RASGEF1C: variants seen among roughly 807,000 people sequenced by gnomAD.
RASGEF1C encodes ras-GEF domain-containing family member 1C.
In RASGEF1C, 27 loss-of-function variants were observed where a neutral mutation model predicts 58.1. That is an observed-to-expected ratio of 0.46 (90% CI 0.34 to 0.64). The LOEUF (loss-of-function observed/expected upper bound fraction) is 0.64, where lower values mean the gene tolerates loss of function less well. Ranked by LOEUF, RASGEF1C falls within the 30% of genes least tolerant of loss-of-function variation. RASGEF1C has a pLI of 0.01. For missense variants in RASGEF1C, 502 were observed against 605.1 expected, an observed-to-expected ratio of 0.83 and a Z score of 1.79; for synonymous variants, 243 against 246.3, an observed-to-expected ratio of 0.99 and a Z score of 0.13.
intron 1 of RASGEF1C, among the ~76,000 whole-genome samples, chr5:180,154,795 A>G (rs988955444): frequency 3.3e-5 from 5 of 151,764 alleles, no homozygotes; most frequent in Non-Finnish European, 7.4e-5. Flanking sequence ...GTTAGCCAGG[A>G]TGGTCTCGAT....
chr5:180,152,124 C>G (rs1054595007), intron 1 of RASGEF1C, among the ~76,000 whole-genome samples: 7 of 151,808 alleles, frequency 4.6e-5, no homozygotes, highest in Non-Finnish European at 8.8e-5. Context: ...GTTGGTGGGA[C>G]TGTAAACTAG....
intron 12 of RASGEF1C, among the ~76,000 whole-genome samples, chr5:180,103,289 G>A (rs577552777): frequency 2.6e-4 from 40 of 152,314 alleles, no homozygotes; most frequent in Non-Finnish European, 5.1e-4. Flanking sequence ...GTGTTAGCCA[G>A]GATGGTCTCG....
intron 6 of RASGEF1C, among the ~76,000 whole-genome samples, chr5:180,126,048 C>T (rs900448171): frequency 3.3e-5 from 5 of 152,050 alleles, no homozygotes; most frequent in Non-Finnish European, 7.3e-5. Flanking sequence ...TGTCATGTGT[C>T]GTCTTGATGT....
intron 1 of RASGEF1C, among the ~76,000 whole-genome samples, chr5:180,201,576 C>T (rs1400987438): frequency 6.6e-6 from 1 of 152,106 alleles, no homozygotes; most frequent in Admixed American, 6.6e-5. Context: ...TATAAAGAGC[C>T]GACACTAATC....
intron 4 of RASGEF1C, among the ~76,000 whole-genome samples, chr5:180,135,638 G>T (rs1766458792): frequency 6.6e-6 from 1 of 152,204 alleles, no homozygotes; most frequent in Non-Finnish European, 1.5e-5. Flanking sequence ...AGGGAAGTGA[G>T]GCTTGGAGAC....
intron 6 of RASGEF1C, among the ~76,000 whole-genome samples, chr5:180,124,213 CAG>C (rs1294759137): frequency 7.0e-6 from 1 of 142,658 alleles, no homozygotes; most frequent in African/African-American, 2.7e-5. Context: ...GCCTGGGCGA[CAG>C]AGCGAGACTC....
intron 4 of RASGEF1C, among the ~76,000 whole-genome samples, chr5:180,129,108 C>T (rs1032052147): frequency 6.6e-6 from 1 of 152,206 alleles, no homozygotes; most frequent in Non-Finnish European, 1.5e-5. Flanking sequence ...GACAGGAGGT[C>T]AGTGGAAGGG....
intron 1 of RASGEF1C, among the ~76,000 whole-genome samples, chr5:180,145,961 A>G (rs1245168585): frequency 1.3e-5 from 2 of 152,182 alleles, no homozygotes; most frequent in African/African-American, 4.8e-5. Flanking sequence ...CTTATTAGCT[A>G]TGTGATTTGT....
intron 1 of RASGEF1C, among the ~76,000 whole-genome samples, chr5:180,176,432 A>T (rs1767225975): frequency 6.6e-6 from 1 of 152,264 alleles, no homozygotes; most frequent in Non-Finnish European, 1.5e-5. Flanking sequence ...TGCATGAGGC[A>T]GGCCCCGCGC....
rs1490473125 is a variant in RASGEF1C at position 180,156,670 on chromosome 5, G to T, written c.-6-18612C>A. On this transcript the variant is annotated intron_variant, in intron 1 of 13. Coordinates refer to ENST00000361132, the MANE Select transcript of RASGEF1C (RefSeq NM_175062.4). The surrounding 1 kb of genome is among the most constrained non-coding windows in gnomAD (Gnocchi z 4.9). The stretch of plus-strand genomic sequence containing the variant: ...ATCTGCAGTCCCAGCTACTTGGGAG[G>T]CTGAGGTGGGAGGATCACCTGAACC... Among the ~76,000 whole-genome samples the T allele has an allele frequency of 1.3e-5, 2 of 152,048 alleles. No homozygotes were observed. The highest frequency in any genetic ancestry group is 2.9e-5 in the Non-Finnish European group (2 of 68,016).
At chr5:180,207,632 C>CGTCTGTCGCT (rs1554116875) in intron 1 of RASGEF1C, among the ~76,000 whole-genome samples, 5,085 of 151,936 alleles carry the variant, frequency 0.033, 123 homozygotes, top group East Asian at 0.095. Flanking sequence ...CCTCTCTCGC[C>CGTCTGTCGCT]TGCCCTCCCT....
intron 1 of RASGEF1C, among the ~76,000 whole-genome samples, chr5:180,185,018 G>C (rs1178133124): frequency 1.3e-5 from 2 of 152,118 alleles, no homozygotes; most frequent in African/African-American, 2.4e-5. Context: ...GAGGGCCAGG[G>C]GCGGTGGCTC....
rs1756308624 is a variant in RASGEF1C at position 180,197,916 on chromosome 5, G to A, written c.-7+11112C>T. Reference sequence around the variant, plus strand: ...TCCAAGAGTCTGCACTGCGTCCCACGCTTAGCGACATCCAATGCACGTAAA... The same window carrying A: ...TCCAAGAGTCTGCACTGCGTCCCACACTTAGCGACATCCAATGCACGTAAA... On this transcript the variant is annotated intron_variant, in intron 1 of 13. Transcript: ENST00000361132. The surrounding 1 kb of genome is among the most constrained non-coding windows in gnomAD (Gnocchi z 4.7). Among the ~76,000 whole-genome samples the A allele has an allele frequency of 1.3e-5, 2 of 152,210 alleles. No individual in the cohort carries two copies. Among genetic ancestry groups the A allele is most frequent in the Non-Finnish European group, 1.5e-5 (1 of 68,044 alleles).
At chr5:180,151,915 A>G (rs1766751331) in intron 1 of RASGEF1C, among the ~76,000 whole-genome samples, 1 of 152,006 alleles carries the variant, frequency 6.6e-6, no homozygotes, top group African/African-American at 2.4e-5. Context: ...GAAGGATATG[A>G]ACAGACACTT....
chr5:180,127,449 G>A lies in RASGEF1C; in HGVS notation c.714+160C>T, dbSNP rs1452580047. Among the ~76,000 whole-genome samples, 4 of 152,134 alleles carry A rather than the reference G, an allele frequency of 2.6e-5. No homozygotes were observed. In the South Asian group the frequency reaches 6.2e-4, roughly 24 times the overall value. ...GACTCGGTTGTCGTGGTGCGCCCCC[G>A]AGCTGGAGGGGCGTGGCGGAGTGGG... On this transcript the variant is annotated intron_variant, in intron 6 of 13. Coordinates refer to ENST00000361132, the MANE Select transcript of RASGEF1C (RefSeq NM_175062.4).
intron 13 of RASGEF1C, among the ~76,000 whole-genome samples, 189 bp from the exon 14 acceptor site, chr5:180,101,714 T>G (rs1055748848): frequency 6.6e-6 from 1 of 152,236 alleles, no homozygotes; most frequent in Non-Finnish European, 1.5e-5. Context: ...GACCGCCACT[T>G]GGACGTGTTA....
intron 8 of RASGEF1C, 32 bp from the exon 9 acceptor site, chr5:180,118,898 C>T: frequency 1.2e-6 from 2 of 1,604,258 alleles, no homozygotes; most frequent in East Asian, 2.2e-5. Context: ...GAGAGGGCTG[C>T]TCCTGGGACA....
chr5:180,192,654 A>T (rs6880031), intron 1 of RASGEF1C, among the ~76,000 whole-genome samples: 90,804 of 151,730 alleles, frequency 0.6, 28,656 homozygotes, highest in East Asian at 0.87. Context: ...ATGTAAAATA[A>T]ATAATTAGTA....
chr5:180,102,430 C>T (rs1765805118), intron 12 of RASGEF1C, among the ~76,000 whole-genome samples: 1 of 152,204 alleles, frequency 6.6e-6, no homozygotes, highest in Non-Finnish European at 1.5e-5. Flanking sequence ...TGGGCCATAT[C>T]ATAGTGGCAT....
Sources: gnomAD v4.1 joint callset for allele counts (sites outside exome capture counted in the v4.1 genomes callset) on GRCh38, gnomAD v4.1.1 for gene constraint, Gnocchi (gnomAD v3.1) non-coding constraint, MANE v1.5 for transcripts, NCBI Gene and HGNC (gene_info 2026-07-23, HGNC 2026-07-21) for gene names.